The following ATP13A3 variants were observed in gnomAD, a reference collection of about 807,000 sequenced individuals.
The protein encoded by ATP13A3 is polyamine-transporting ATPase 13A3.
In ATP13A3, 59 loss-of-function variants were observed where a neutral mutation model predicts 158.1. That is an observed-to-expected ratio of 0.37 (90% CI 0.30 to 0.46). The LOEUF (loss-of-function observed/expected upper bound fraction) is 0.46. Among genes scored for constraint, ATP13A3 ranks in the 20% least tolerant of loss-of-function variants. The pLI, the probability that ATP13A3 is intolerant of heterozygous loss-of-function variation, is 1.00. For missense variants in ATP13A3, 1,166 were observed against 1,525.2 expected (o/e 0.76, Z 3.92); for synonymous variants, 491 against 504.3 (o/e 0.97, Z 0.35).
At chr3:194,468,924 A>G (rs1720161383) in intron 2 of ATP13A3, among the ~76,000 whole-genome samples, 1 of 152,232 alleles carries the variant, frequency 6.6e-6, no homozygotes. Flanking sequence ...GCCTGAGGTC[A>G]GGAGTTTGAG....
upstream of ATP13A3, chr3:194,487,128 A>G (rs1464187350): frequency 1.3e-5 from 2 of 152,092 alleles, no homozygotes; most frequent in Non-Finnish European, 2.9e-5. Flanking sequence ...CCGCCCACCC[A>G]TCGCCTTTGC....
chr3:194,450,633 TCAAA>T (rs1201557266), intron 10 of ATP13A3: 5 of 185,046 alleles, frequency 2.7e-5, no homozygotes, highest in Admixed American at 1.6e-4. Context: ...GTGAAACAGG[TCAAA>T]CAAACTCCGA....
At chr3:194,484,699 G>A (rs74504212) in intron 2 of ATP13A3, among the ~76,000 whole-genome samples, 10 of 152,262 alleles carry the variant, frequency 6.6e-5, no homozygotes, top group Non-Finnish European at 1.2e-4. Flanking sequence ...AAATGAGCTC[G>A]ATAATGTGGT....
rs1717706612 is a variant in ATP13A3 at position 194,437,199 on chromosome 3, T to C, written c.2016A>G (p.Gln672=). The stretch of plus-strand genomic sequence containing the variant: ...GTTTAGTGAAGTCTTCCAAAACGTT[T>C]TGAAAATCGACAGGAACTTTTTAAA... ...CKPETVPVDF[Q]NVLEDFTKQG... Residue 672 remains glutamine (Q), a synonymous_variant, in exon 20 of 34, where the codon CAA becomes CAG. Coordinates refer to ENST00000645319, the MANE Select transcript of ATP13A3 (RefSeq NM_001367549.1). The C allele has an allele frequency of 1.2e-6, 2 of 1,613,998 alleles. No individual in the cohort carries two copies. Among genetic ancestry groups the C allele is most frequent in the Non-Finnish European group, 1.7e-6 (2 of 1,180,006 alleles).
chr3:194,493,952 C>T (rs1025613532), intron 2 of ATP13A3: 3 of 386,554 alleles, frequency 7.8e-6, no homozygotes, highest in Non-Finnish European at 9.1e-6. Context: ...AAGCTTATTT[C>T]TGCTTACAAA....
In ATP13A3 at chr3:194,403,472, T is replaced by C. The variant is rs1714745637; in HGVS notation, c.*2447A>G. 1 of 152,188 alleles carries C rather than the reference T, an allele frequency of 6.6e-6. No homozygotes were observed. The highest frequency in any genetic ancestry group is 2.1e-4 in the South Asian group (1 of 4,826). The allele number at this position is 152,188 out of a possible 1,614,324, so 9.4% of individuals were successfully genotyped here. A position where few individuals can be genotyped will look rare whatever the true frequency, so the allele number is the denominator to read the frequency against. On this transcript the variant is annotated 3_prime_UTR_variant, in exon 34 of 34. Coordinates refer to ENST00000645319, the MANE Select transcript of ATP13A3 (RefSeq NM_001367549.1). ...CCCTGAGGGAGACACACATTAAAAA[T>C]CTTGTTATTTATTTAAAAAGTTAAA...
At position 194,403,103 on chromosome 3, in the gene ATP13A3, T is replaced by C. The variant is rs960496666; in HGVS notation, c.*2816A>G. ...ATATTTTCTAAAGCTTGAATTTTGC[T>C]CTTCACTGGATAATGTTATCTATAG... On this transcript the variant is annotated 3_prime_UTR_variant, in exon 34 of 34. Coordinates refer to ENST00000645319, the MANE Select transcript of ATP13A3 (RefSeq NM_001367549.1). The C allele has an allele frequency of 2.0e-5, 3 of 152,246 alleles. No individual in the cohort carries two copies. The highest frequency in any genetic ancestry group is 2.0e-4 in the Admixed American group (3 of 15,292). 9.4% of individuals were successfully genotyped at this position (152,246 alleles called of 1,614,324 possible).
In ATP13A3 at chr3:194,433,834, T is replaced by C; in HGVS notation, c.2183A>G (p.Gln728Arg). 6.2e-7 allele frequency: 1 copy of C among 1,614,102 alleles called. No individual in the cohort carries two copies. The highest frequency in any genetic ancestry group is 8.5e-7 in the Non-Finnish European group (1 of 1,179,956). Residue 728 changes from glutamine (Q) to arginine (R), a missense_variant, in exon 21 of 34, where the codon CAA becomes CGA. By Grantham distance (43) the Gln-to-Arg change is conservative. Around this residue, in one of 3 missense-constraint regions of ATP13A3, gnomAD observed 997 missense variants for 1,341.2 expected, o/e 0.74. Transcript: ENST00000645319. ...ATCTTCAAGTACTGCAGGGGTTTCT[T>C]GCTTTAATTTGTTCTGCATTATAAT... ...GLIIMQNKLK[Q>R]ETPAVLEDLH...
rs568977758 is a variant in ATP13A3, at chr3:194,493,803, A to T, written n.746+247T>A. ...TCATATGTTATCTCATTTAATCATC[A>T]CAACGATGCCAACACTAAAAGTAGT... is the stretch of plus-strand genomic sequence containing the variant. On this transcript the variant is annotated intron_variant and non_coding_transcript_variant, in intron 2 of 32. Coordinates refer to the ATP13A3 transcript ENST00000687055. 8.9e-4 allele frequency among the ~76,000 whole-genome samples: 136 copies of T among 152,246 alleles called. No individual in the cohort carries two copies. In the Middle Eastern group the frequency reaches 0.02, roughly 23 times the overall value.
rs188365096 is a variant in ATP13A3, at chr3:194,441,437, C to T, written c.1584G>A (p.Val528=). The change falls in exon 16 of 34, where the codon GTG becomes GTA. Residue 528 remains valine (V), a synonymous_variant. Coordinates refer to ENST00000645319, the MANE Select transcript of ATP13A3 (RefSeq NM_001367549.1). ...GGGATTTTACCAACATCTCATTGCA[C>T]ACATTTTCTTCTGGTGAAAGAAATC... ...NARFLSPEEN[V]CNEMLVKSQF... 3.8e-4 allele frequency: 615 copies of T among 1,613,400 alleles called. 2 individuals are homozygous for T. In the African/African-American group the frequency reaches 7.4e-3, roughly 19 times the overall value.
At position 194,406,106 on chromosome 3, in the gene ATP13A3, T is replaced by G. The variant is rs763061879; in HGVS notation, c.3584A>C (p.Asp1195Ala). ...GGGTAAGCAGCATTTTCCCCACCGA[T>G]CCACTGACTCCTAAGAAAATAAGAA... ...STTQPPQESVDRWGKCCLPWA... is the reference protein window; with the variant it reads ...STTQPPQESVARWGKCCLPWA... The change falls in exon 34 of 34, where the codon GAT becomes GCT. Residue 1195 changes from aspartate to alanine, a missense_variant. Asp to Ala is a moderately radical substitution (Grantham distance 126). Coordinates refer to ENST00000645319, the MANE Select transcript of ATP13A3 (RefSeq NM_001367549.1). 1.9e-6 allele frequency: 3 copies of G among 1,613,976 alleles called. No homozygotes were observed. In the Admixed American group the frequency reaches 5.0e-5, roughly 27 times the overall value.
chr3:194,444,841 A>G, intron 14 of ATP13A3, 55 bp from the exon 15 acceptor site: 2 of 1,421,920 alleles, frequency 1.4e-6, no homozygotes, highest in African/African-American at 2.9e-5. Flanking sequence ...TCAAAAAAAA[A>G]CCCAAAAATA....
At position 194,450,168 on chromosome 3, in the gene ATP13A3, A is replaced by G; in HGVS notation, c.947T>C (p.Ile316Thr). ...CDAVLINGTC[I>T]VNESMLTGES... ...ACCTGTTAACATGCTTTCGTTTACA[A>G]TGCAGGTACCATTAATAAGCACAGC... The change falls in exon 11 of 34, where the codon ATT becomes ACT. Residue 316 changes from isoleucine (I) to threonine (T), a missense_variant. By Grantham distance (89) the Ile-to-Thr change is moderately conservative. Transcript: ENST00000645319. 1 of 1,614,086 alleles carries G rather than the reference A, an allele frequency of 6.2e-7. No homozygotes were observed. The highest frequency in any genetic ancestry group is 8.5e-7 in the Non-Finnish European group (1 of 1,179,944).
intron 5 of ATP13A3, 51 bp downstream of exon 5, chr3:194,459,738 A>C (rs1719501054): frequency 6.5e-7 from 1 of 1,545,038 alleles, no homozygotes; most frequent in Non-Finnish European, 8.8e-7. Flanking sequence ...GATAGCATAA[A>C]ATGTAACAAT....
chr3:194,458,355 A>T (rs202213809), intron 6 of ATP13A3, among the ~76,000 whole-genome samples: 41 of 144,166 alleles, frequency 2.8e-4, no homozygotes, highest in South Asian at 8.5e-4. Context: ...AAAAAAAAAA[A>T]TTTTTTTTTT....
chr3:194,469,325 G>T (rs917159368), intron 2 of ATP13A3, among the ~76,000 whole-genome samples: 5 of 151,884 alleles, frequency 3.3e-5, no homozygotes, highest in Non-Finnish European at 7.4e-5. Context: ...AGGTGTGGTG[G>T]TGCATATCTG....
rs1245669597 is a variant in ATP13A3 at position 194,403,652 on chromosome 3, T to C, written c.*2267A>G. 1 of 153,256 alleles carries C rather than the reference T, an allele frequency of 6.5e-6. No individual in the cohort carries two copies. The highest frequency in any genetic ancestry group is 1.9e-4 in the East Asian group (1 of 5,212). The allele number at this position is 153,256 out of a possible 1,614,324, so 9.5% of individuals were successfully genotyped here. The stretch of plus-strand genomic sequence containing the variant: ...TTTAGGTCTGTATAAACTCAAATAA[T>C]TTAATGTGAAATTCAGAATCAAAAT... On this transcript the variant is annotated 3_prime_UTR_variant, in exon 34 of 34. Transcript: ENST00000645319.
chr3:194,431,057 G>C, intron 23 of ATP13A3, 35 bp from the exon 24 acceptor site: 1 of 1,613,380 alleles, frequency 6.2e-7, no homozygotes, highest in Non-Finnish European at 8.5e-7. Context: ...TTAAAATACT[G>C]TTGCGATGCA....
chr3:194,453,751 C>T lies in ATP13A3; in HGVS notation c.793G>A (p.Ala265Thr). The T allele has an allele frequency of 6.2e-7, 1 of 1,613,678 alleles. No individual in the cohort carries two copies. Among genetic ancestry groups the T allele is most frequent in the Non-Finnish European group, 8.5e-7 (1 of 1,179,700 alleles). Residue 265 changes from alanine (A) to threonine (T), a missense_variant, in exon 10 of 34, where the codon GCA becomes ACA. Ala to Thr is a moderately conservative substitution (Grantham distance 58, BLOSUM62 0). This residue lies in a region of ATP13A3 where 997 missense variants were observed against 1,341.2 expected (regional missense o/e 0.74). Transcript: ENST00000645319. ...GAAACTCTTACGGTACTATGAGTTG[C>T]CACCATGTCATGCAACATAACATAT... ...KQYVMLHDMV[A>T]THSTVRVSVC...
Sources: gnomAD v4.1 joint callset for allele counts (sites outside exome capture counted in the v4.1 genomes callset) on GRCh38, gnomAD v4.1.1 for gene constraint, gnomAD v4.1.1 regional missense constraint, MANE v1.5 for transcripts, NCBI Gene and HGNC (gene_info 2026-07-23, HGNC 2026-07-21) for gene names.